Variants in NELL2 observed in about 807,000 individuals in gnomAD.
NELL2 encodes protein kinase C-binding protein NELL2.
In NELL2, 41 loss-of-function variants were observed where a neutral mutation model predicts 109.6. That is an observed-to-expected ratio of 0.37 (90% CI 0.29 to 0.49). NELL2 has a LOEUF of 0.49. NELL2 is among the 20% of genes least tolerant of loss of function. The probability of loss-of-function intolerance (pLI) is 0.98; values close to 1 mark genes in which losing one functional copy is unlikely to be tolerated. For synonymous variants in NELL2, 355 were observed against 344.7 expected, an observed-to-expected ratio of 1.03 and a Z score of -0.33; for missense variants, 900 against 1,008.3, an observed-to-expected ratio of 0.89 and a Z score of 1.45.
intron 9 of NELL2, among the ~76,000 whole-genome samples, chr12:44,773,465 G>C (rs1941630467): frequency 6.6e-6 from 1 of 152,056 alleles, no homozygotes; most frequent in South Asian, 2.1e-4. Context: ...GACAGAGCGA[G>C]GCTCCGTCTC....
At chr12:44,679,302 A>C (rs2136366019) in intron 12 of NELL2, among the ~76,000 whole-genome samples, 1 of 152,258 alleles carries the variant, frequency 6.6e-6, no homozygotes, top group Middle Eastern at 3.4e-3. Flanking sequence ...GTCATCTGTC[A>C]GGAATAAGAG....
intron 12 of NELL2, among the ~76,000 whole-genome samples, chr12:44,672,669 G>C (rs1417903714): frequency 6.6e-6 from 1 of 152,226 alleles, no homozygotes; most frequent in African/African-American, 2.4e-5. Context: ...AGTTCTGTGA[G>C]AGAGGTGGGG....
chr12:44,518,283 T>C lies in NELL2; in HGVS notation c.2400+1722A>G, dbSNP rs1232440121. On this transcript the variant is annotated intron_variant, in intron 19 of 19. Transcript: ENST00000429094. ...TTTCTGAGATGGAGTCTCGCTCTGT[T>C]GCCCAGGCTGGAGGGCAGTGGCACA... Among the ~76,000 whole-genome samples, 6 of 151,858 alleles carry C rather than the reference T, an allele frequency of 4.0e-5. No homozygotes were observed. In the East Asian group the frequency reaches 5.8e-4, roughly 15 times the overall value.
intron 13 of NELL2, among the ~76,000 whole-genome samples, chr12:44,616,529 T>C (rs555091209): frequency 1.7e-3 from 259 of 152,290 alleles, no homozygotes; most frequent in African/African-American, 6.0e-3. Context: ...TTAGACTTAA[T>C]GCTAAATAAG....
intron 12 of NELL2, among the ~76,000 whole-genome samples, chr12:44,700,681 G>A (rs1949202964): frequency 6.6e-6 from 1 of 152,144 alleles, no homozygotes; most frequent in Non-Finnish European, 1.5e-5. Flanking sequence ...CCACCACCCA[G>A]ATCATATGCC....
intron 15 of NELL2, among the ~76,000 whole-genome samples, chr12:44,605,277 A>C (rs1810597756): frequency 6.6e-6 from 1 of 152,186 alleles, no homozygotes; most frequent in Non-Finnish European, 1.5e-5. Context: ...TCTGTATGCA[A>C]ATACAGATAA....
At chr12:44,515,766 CCTG>C (rs1432500497) in intron 19 of NELL2, among the ~76,000 whole-genome samples, 3 of 151,548 alleles carry the variant, frequency 2.0e-5, no homozygotes, top group African/African-American at 4.8e-5. Context: ...TCCTTAAGAC[CCTG>C]CTATTTTTGG....
At chr12:44,756,595 T>G (rs1014384584) in intron 9 of NELL2, among the ~76,000 whole-genome samples, 7 of 152,098 alleles carry the variant, frequency 4.6e-5, no homozygotes, top group African/African-American at 1.4e-4. Context: ...CTCCACATTC[T>G]GAATCTCATA....
chr12:44,765,387 T>TAAA (rs58341328), intron 9 of NELL2, among the ~76,000 whole-genome samples: 17,410 of 152,106 alleles, frequency 0.11, 1,226 homozygotes, highest in African/African-American at 0.19. Context: ...AACTAAAGTA[T>TAAA]ACAGTCAATA....
chr12:44,905,868 T>A (rs2136886363), intron 1 of NELL2, among the ~76,000 whole-genome samples: 1 of 151,866 alleles, frequency 6.6e-6, no homozygotes, highest in African/African-American at 2.4e-5. Context: ...CAACAGACAC[T>A]ATTAATATAT....
intron 12 of NELL2, among the ~76,000 whole-genome samples, chr12:44,690,776 C>A (rs1437294822): frequency 6.6e-6 from 1 of 152,060 alleles, no homozygotes; most frequent in African/African-American, 2.4e-5. Flanking sequence ...GTGTGCTTAA[C>A]AAATACTGTG....
chr12:44,704,504 A>G (rs1937746777), intron 11 of NELL2, among the ~76,000 whole-genome samples: 1 of 152,218 alleles, frequency 6.6e-6, no homozygotes, highest in Admixed American at 6.5e-5. Context: ...CATTTTATAA[A>G]TAGTGACAGC....
At chr12:44,584,971 A>C (rs1944443108) in intron 15 of NELL2, among the ~76,000 whole-genome samples, 1 of 152,232 alleles carries the variant, frequency 6.6e-6, no homozygotes. Flanking sequence ...ATGTCCTCTG[A>C]TCCAGCTTGA....
At chr12:44,825,864 G>A (rs1271174941) in intron 2 of NELL2, among the ~76,000 whole-genome samples, 4 of 151,492 alleles carry the variant, frequency 2.6e-5, no homozygotes, top group Non-Finnish European at 5.9e-5. Context: ...TCAACATGGA[G>A]AAACCCCGTC....
chr12:44,715,256 G>A (rs1938425793), intron 9 of NELL2, among the ~76,000 whole-genome samples: 1 of 148,880 alleles, frequency 6.7e-6, no homozygotes, highest in Admixed American at 6.8e-5. Flanking sequence ...TTATAAGTAT[G>A]TATGGGTTAG....
At chr12:44,516,294 C>T (rs1003064935) in intron 19 of NELL2, among the ~76,000 whole-genome samples, 4 of 151,984 alleles carry the variant, frequency 2.6e-5, no homozygotes, top group Non-Finnish European at 5.9e-5. Context: ...TGGATATTGG[C>T]ATGTATATAG....
At chr12:44,727,162 T>C (rs1029297594) in intron 9 of NELL2, among the ~76,000 whole-genome samples, 1 of 152,112 alleles carries the variant, frequency 6.6e-6, no homozygotes, top group African/African-American at 2.4e-5. Context: ...TCAACTGGAC[T>C]TGCACATAAA....
intron 2 of NELL2, among the ~76,000 whole-genome samples, chr12:44,820,337 A>G (rs867153988): frequency 6.6e-6 from 1 of 152,168 alleles, no homozygotes; most frequent in African/African-American, 2.4e-5. Flanking sequence ...GGCCGGGCGC[A>G]GTGGCTCACG....
At chr12:44,582,994 T>C (rs540218553) in intron 15 of NELL2, among the ~76,000 whole-genome samples, 1 of 152,268 alleles carries the variant, frequency 6.6e-6, no homozygotes, top group East Asian at 1.9e-4. Context: ...ATGAAGCACA[T>C]AGCACGAAGG....
Sources: allele counts gnomAD v4.1 joint callset (sites outside exome capture counted in the v4.1 genomes callset), GRCh38; gene constraint gnomAD v4.1.1; transcripts MANE v1.5; gene names NCBI Gene and HGNC (gene_info 2026-07-23, HGNC 2026-07-21).